AMPH: variants seen among roughly 807,000 people sequenced by gnomAD.
AMPH encodes amphiphysin.
AMPH carries 49 observed loss-of-function variants against 99.1 expected under a neutral mutation model. The ratio of observed to expected loss-of-function variants is 0.49; its 90% CI spans 0.39 to 0.63. The LOEUF is 0.63. AMPH is among the 20% of genes least tolerant of loss of function. The pLI is 0.00. For synonymous variants in AMPH, 314 were observed against 317.3 expected, an observed-to-expected ratio of 0.99 and a Z score of 0.11; for missense variants, 759 against 863.4, an observed-to-expected ratio of 0.88 and a Z score of 1.52.
chr7:38,494,358 G>A (rs985321011), intron 4 of AMPH, 75 bp downstream of exon 4: 5 of 1,242,776 alleles, frequency 4.0e-6, no homozygotes, highest in African/African-American at 1.5e-5. Context: ...ACTGTGAAGT[G>A]GAAAGAGCAA....
intron 5 of AMPH, among the ~76,000 whole-genome samples, chr7:38,480,472 C>G (rs1788246554): frequency 6.6e-6 from 1 of 152,152 alleles, no homozygotes; most frequent in Non-Finnish European, 1.5e-5. Flanking sequence ...CACCATTTCT[C>G]TGACAGACTT....
chr7:38,518,397 T>C (rs1340971657), intron 2 of AMPH, among the ~76,000 whole-genome samples: 1 of 152,172 alleles, frequency 6.6e-6, no homozygotes, highest in Non-Finnish European at 1.5e-5. Flanking sequence ...CCATTAAAGC[T>C]GGGTGAACTG....
chr7:38,429,418 C>T, intron 14 of AMPH: 1 of 1,293,302 alleles, frequency 7.7e-7, no homozygotes, highest in Non-Finnish European at 1.0e-6. Flanking sequence ...CCAAACCCAC[C>T]TGAGGTAACT....
Position 38,463,055 on chromosome 7 carries a change from G to T in AMPH, c.808C>A (p.Leu270Ile), listed in dbSNP as rs376003397. The T allele has an allele frequency of 5.0e-6, 8 of 1,612,076 alleles. No homozygotes were observed. Among genetic ancestry groups the T allele is most frequent in the Non-Finnish European group, 6.8e-6 (8 of 1,179,074 alleles). Reference protein sequence around the residue: ...TPSPPEEPSPLPSPTASPNHT... With the variant: ...TPSPPEEPSPIPSPTASPNHT... ...TTTGGACTTGCTGTCGGGCTCGGGA[G>T]GGGTGAAGGCTCCTCAGGCGGTGAT... The change falls in exon 10 of 21, where the codon CTC (leucine) becomes ATC (isoleucine). Residue 270 changes from leucine (L) to isoleucine (I), a missense_variant. Around this residue, in one of 2 missense-constraint regions of AMPH, gnomAD observed 554 missense variants for 575.6 expected, o/e 0.96. Coordinates refer to ENST00000356264, the MANE Select transcript of AMPH (RefSeq NM_001635.4).
chr7:38,440,355 T>A (rs1786456633), intron 11 of AMPH, among the ~76,000 whole-genome samples: 1 of 152,128 alleles, frequency 6.6e-6, no homozygotes, highest in South Asian at 2.1e-4. Flanking sequence ...CAATGAAGAT[T>A]TTCAGACAAA....
At chr7:38,613,121 T>C (rs6947229) in intron 1 of AMPH, among the ~76,000 whole-genome samples, 152,333 of 152,340 alleles carry the variant, frequency 1, 76,163 homozygotes, top group Non-Finnish European at 1. Context: ...ACCAAGACCA[T>C]ACAGCTGAGA....
At chr7:38,489,340 A>T (rs1788631681) in intron 5 of AMPH, among the ~76,000 whole-genome samples, 1 of 151,564 alleles carries the variant, frequency 6.6e-6, no homozygotes, top group Admixed American at 6.6e-5. Context: ...ACAAAAATCA[A>T]CTAAAAATGG....
intron 1 of AMPH, among the ~76,000 whole-genome samples, chr7:38,548,916 C>T (rs970689723): frequency 6.6e-6 from 1 of 152,204 alleles, no homozygotes; most frequent in African/African-American, 2.4e-5. Context: ...TCTGCTTTTT[C>T]ACTGTGGTAA....
At chr7:38,571,983 G>A (rs1028889468) in intron 1 of AMPH, among the ~76,000 whole-genome samples, 2 of 151,052 alleles carry the variant, frequency 1.3e-5, no homozygotes, top group Admixed American at 6.6e-5. Flanking sequence ...TCAGCTCACC[G>A]CAACCTCTGC....
intron 1 of AMPH, among the ~76,000 whole-genome samples, chr7:38,606,987 T>C (rs1457474994): frequency 4.6e-5 from 7 of 152,242 alleles, no homozygotes; most frequent in Non-Finnish European, 8.8e-5. Flanking sequence ...TTGACTGTTA[T>C]AAATAATGCT....
intron 5 of AMPH, among the ~76,000 whole-genome samples, chr7:38,490,591 A>C (rs915236596): frequency 6.6e-6 from 1 of 152,162 alleles, no homozygotes; most frequent in Non-Finnish European, 1.5e-5. Flanking sequence ...TGAGAGAAAA[A>C]CTATCCAGGT....
chr7:38,499,567 C>A (rs965616627), intron 3 of AMPH, among the ~76,000 whole-genome samples: 1 of 152,150 alleles, frequency 6.6e-6, no homozygotes, highest in Non-Finnish European at 1.5e-5. Flanking sequence ...GACCCATGAC[C>A]CTCCAGGGCC....
intron 11 of AMPH, among the ~76,000 whole-genome samples, chr7:38,447,170 C>T (rs1786820298): frequency 6.6e-6 from 1 of 152,124 alleles, no homozygotes; most frequent in Non-Finnish European, 1.5e-5. Flanking sequence ...CAGGCATGTG[C>T]CACCATGCCC....
intron 2 of AMPH, among the ~76,000 whole-genome samples, chr7:38,519,405 C>A (rs73694533): frequency 6.6e-6 from 1 of 152,142 alleles, no homozygotes; most frequent in Non-Finnish European, 1.5e-5. Flanking sequence ...AAAGAAGTTT[C>A]TCATACCAAT....
chr7:38,564,986 T>C (rs1455006471), intron 1 of AMPH, among the ~76,000 whole-genome samples: 2 of 151,562 alleles, frequency 1.3e-5, no homozygotes, highest in Non-Finnish European at 2.9e-5. Context: ...TAGCCGGGCG[T>C]GGTGGCGGGT....
intron 7 of AMPH, among the ~76,000 whole-genome samples, chr7:38,474,019 G>T (rs1478049370): frequency 1.3e-5 from 2 of 151,932 alleles, no homozygotes; most frequent in Non-Finnish European, 2.9e-5. Context: ...GAAAGAAAAG[G>T]TGTACAGCAA....
chr7:38,586,000 T>G (rs1201266934), intron 1 of AMPH, among the ~76,000 whole-genome samples: 2 of 152,220 alleles, frequency 1.3e-5, no homozygotes, highest in African/African-American at 4.8e-5. Flanking sequence ...TCTTTTGAAT[T>G]TAGCTTTCAC....
At chr7:38,511,645 C>T (rs1028584704) in intron 2 of AMPH, among the ~76,000 whole-genome samples, 10 of 152,124 alleles carry the variant, frequency 6.6e-5, no homozygotes, top group African/African-American at 1.9e-4. Context: ...AGTTTTCTCA[C>T]GTAAAACAGA....
At chr7:38,402,975 T>C (rs1784883953) in intron 17 of AMPH, among the ~76,000 whole-genome samples, 1 of 152,242 alleles carries the variant, frequency 6.6e-6, no homozygotes, top group East Asian at 1.9e-4. Flanking sequence ...TGTTTTCAGC[T>C]TTCTCGTGAA....
Sources: gnomAD v4.1 joint callset for allele counts (sites outside exome capture counted in the v4.1 genomes callset) on GRCh38, gnomAD v4.1.1 for gene constraint, gnomAD v4.1.1 regional missense constraint, MANE v1.5 for transcripts, NCBI Gene and HGNC (gene_info 2026-07-23, HGNC 2026-07-21) for gene names.